PSG6: variants seen among roughly 807,000 people sequenced by gnomAD.
PSG6 encodes pregnancy specific beta-1-glycoprotein 6.
A neutral mutation model predicts 43.3 loss-of-function variants in PSG6; 51 were observed. That is an observed-to-expected ratio of 1.18 (90% CI 0.94 to 1.49). PSG6 has a LOEUF of 1.49. PSG6 is among the 40% of genes most tolerant of loss of function. PSG6 has a pLI of 0.00. For missense variants in PSG6, 770 were observed against 522.2 expected, an observed-to-expected ratio of 1.47 and a Z score of -4.62; for synonymous variants, 292 against 197.6, an observed-to-expected ratio of 1.48 and a Z score of -4.01.
chr19:42,903,993 C>T (rs1385022767), intron 5 of PSG6, among the ~76,000 whole-genome samples: 1 of 151,422 alleles, frequency 6.6e-6, no homozygotes, highest in African/African-American at 2.4e-5. Flanking sequence ...AATTGTATGC[C>T]AATAAATTGG....
At position 42,907,847 on chromosome 19, in the gene PSG6, C is replaced by A. The variant is rs774296600; in HGVS notation, c.714G>T (p.Leu238=). 1.9e-6 allele frequency: 3 copies of A among 1,611,124 alleles called. No individual in the cohort carries two copies. Among genetic ancestry groups the A allele is most frequent in the Non-Finnish European group, 2.5e-6 (3 of 1,178,962 alleles). ...TGTTGATGGTGATGTAAGGCATGGG[C>A]AGCTTCGCTGTGTGGATAACAGAAG... ...DPVTLNLLPK[L]PMPYITINNL... The change falls in exon 4 of 6, where the codon CTG becomes CTT. Residue 238 remains leucine, a synonymous_variant. Coordinates refer to ENST00000187910, the MANE Select transcript of PSG6 (RefSeq NM_001031850.4).
chr19:42,912,812 C>G (rs926030753), intron 2 of PSG6, among the ~76,000 whole-genome samples: 1 of 151,620 alleles, frequency 6.6e-6, no homozygotes, highest in African/African-American at 2.4e-5. Flanking sequence ...CTTATGAAAA[C>G]GGCATCATCA....
chr19:42,907,151 G>A lies in PSG6; in HGVS notation c.1011C>T (p.Tyr337=), dbSNP rs1259923612. 6.2e-7 allele frequency: 1 copy of A among 1,612,484 alleles called. No individual in the cohort carries two copies. The highest frequency in any genetic ancestry group is 8.5e-7 in the Non-Finnish European group (1 of 1,179,188). ...VLYGPDLPRI[Y]PSFTYYRSGE... is the part of the protein sequence containing the mutation. ...CTGAACGGTAATAGGTGAATGAAGG[G>A]TAAATTCTGGGGAGGTCTGGACCAT... Residue 337 remains tyrosine, a synonymous_variant, in exon 5 of 6, where the codon TAC becomes TAT. Coordinates refer to ENST00000187910, the MANE Select transcript of PSG6 (RefSeq NM_001031850.4).
intron 5 of PSG6, among the ~76,000 whole-genome samples, chr19:42,904,324 A>C (rs1362149201): frequency 1.3e-5 from 2 of 151,650 alleles, no homozygotes; most frequent in Non-Finnish European, 2.9e-5. Context: ...AATTTTTAAA[A>C]AGACATTCAA....
In PSG6 at chr19:42,916,417, A is replaced by C. The variant is rs750338718; in HGVS notation, c.135T>G (p.Val45=). 36 of 1,611,724 alleles carry C rather than the reference A, an allele frequency of 2.2e-5. 2 individuals are homozygous for C. The highest frequency in any genetic ancestry group is 9.4e-5 in the African/African-American group (7 of 74,782). ...QVIIEAKPPK[V]SEGKDVLLLV... is the part of the protein sequence containing the mutation. Reference sequence around the variant, plus strand: ...GTAGAAGAACATCCTTCCCCTCGGAAACTTTGGGTGGCTTGGCTTCAATTA... The same window carrying C: ...GTAGAAGAACATCCTTCCCCTCGGACACTTTGGGTGGCTTGGCTTCAATTA... The change falls in exon 2 of 6, where the codon GTT becomes GTG. Residue 45 remains valine, a synonymous_variant. Transcript: ENST00000187910.
rs759814708 is a variant in PSG6, at chr19:42,906,924, G to C, written c.1238C>G (p.Ser413Cys). 15 of 1,612,210 alleles carry C rather than the reference G, an allele frequency of 9.3e-6. No individual in the cohort carries two copies. Among genetic ancestry groups the C allele is most frequent in the Non-Finnish European group, 9.3e-6 (11 of 1,179,078 alleles). Residue 413 changes from serine to cysteine, a missense_variant and splice_region_variant, in exon 5 of 6, where the codon TCT becomes TGT. Ser to Cys is a moderately radical substitution (Grantham distance 112, BLOSUM62 -1). Transcript: ENST00000187910. Reference sequence around the variant, plus strand: ...CAAGGATGCTGGGATCCACTTACCAGAGACTTTGACTATCATGGATTTGGA... The same window carrying C: ...CAAGGATGCTGGGATCCACTTACCACAGACTTTGACTATCATGGATTTGGA... ...EISKSMIVKV[S>C]GPCHGNQTES...
chr19:42,910,906 C>G, intron 2 of PSG6, 48 bp from the exon 3 acceptor site: 1 of 1,549,938 alleles, frequency 6.5e-7, no homozygotes, highest in Non-Finnish European at 8.7e-7. Context: ...ACCTTTGATT[C>G]CTCCAAAGGC....
At chr19:42,916,632 G>T (rs1972341195) in intron 1 of PSG6, 145 bp from the exon 2 acceptor site, 6 of 1,291,704 alleles carry the variant, frequency 4.6e-6, no homozygotes, top group Middle Eastern at 2.3e-4. Flanking sequence ...ACACAAAAGG[G>T]CATGTGTGTT....
Position 42,907,014 on chromosome 19 carries a change from A to G in PSG6, c.1148T>C (p.Ile383Thr). The change falls in exon 5 of 6, where the codon ATT becomes ACT. Residue 383 changes from isoleucine (I) to threonine (T), a missense_variant. By Grantham distance (89) the Ile-to-Thr change is moderately conservative. Coordinates refer to ENST00000187910, the MANE Select transcript of PSG6 (RefSeq NM_001031850.4). ...ATAGAGCCCGCTATGATTTGTAGTAATTTGGGGGATAAAGAGCTTTTGTCC... is the reference window on the plus strand; with the variant it reads ...ATAGAGCCCGCTATGATTTGTAGTAGTTTGGGGGATAAAGAGCTTTTGTCC... The part of the protein sequence containing the change: ...LSGQKLFIPQ[I>T]TTNHSGLYAC... The G allele has an allele frequency of 6.2e-7, 1 of 1,612,500 alleles. No individual in the cohort carries two copies. The highest frequency in any genetic ancestry group is 8.5e-7 in the Non-Finnish European group (1 of 1,179,132).
chr19:42,914,534 C>T (rs947217371), intron 2 of PSG6, among the ~76,000 whole-genome samples: 1 of 147,424 alleles, frequency 6.8e-6, no homozygotes, highest in African/African-American at 2.5e-5. Flanking sequence ...CAGTCCAGGA[C>T]CAAAGAGCCC....
intron 5 of PSG6, among the ~76,000 whole-genome samples, chr19:42,904,630 G>A (rs1314512952): frequency 6.6e-6 from 1 of 151,692 alleles, no homozygotes; most frequent in Non-Finnish European, 1.5e-5. Flanking sequence ...ATTGCTGAAA[G>A]AAATGAAAGA....
chr19:42,914,992 T>TG (rs1270474104), intron 2 of PSG6, among the ~76,000 whole-genome samples: 4 of 151,620 alleles, frequency 2.6e-5, no homozygotes, highest in Non-Finnish European at 4.4e-5. Flanking sequence ...TACAGACTAA[T>TG]CAGCTGACCA....
chr19:42,910,227 C>G, intron 3 of PSG6: 1 of 451,742 alleles, frequency 2.2e-6, no homozygotes, highest in Non-Finnish European at 4.0e-6. Flanking sequence ...AAGGGAAAAT[C>G]CTGGTCTGTG....
At chr19:42,903,803 G>T in intron 5 of PSG6, 1 of 1,437,592 alleles carries the variant, frequency 7.0e-7, no homozygotes, top group Non-Finnish European at 9.2e-7. Context: ...TGAAGAAGGA[G>T]AATTGCTTGA....
chr19:42,910,937 A>T (rs1203475477), intron 2 of PSG6, 79 bp from the exon 3 acceptor site: 1 of 1,531,980 alleles, frequency 6.5e-7, no homozygotes, highest in Non-Finnish European at 8.8e-7. Flanking sequence ...CAGAGTTGGC[A>T]TTTCCAACCT....
At position 42,907,663 on chromosome 19, in the gene PSG6, T is replaced by A. The variant is rs142100740; in HGVS notation, c.898A>T (p.Thr300Ser). Residue 300 changes from threonine (T) to serine (S), a missense_variant, in exon 4 of 6, where the codon ACG becomes TCG. Physicochemically the swap from Thr to Ser is moderately conservative, Grantham distance 58. Transcript: ENST00000187910. ...TGATAGGGTCCTGTTTCATTTCTCG[T>A]GACACTGGGTAGAATGAGTATCCTG... Reference protein sequence around the residue: ...ENRILILPSVTRNETGPYQCE... With the variant: ...ENRILILPSVSRNETGPYQCE... The A allele has an allele frequency of 1.3e-4, 208 of 1,611,266 alleles. 5 individuals carry two copies. In the African/African-American group the frequency reaches 2.6e-3, roughly 20 times the overall value.
At chr19:42,903,940 C>T (rs1972074150) in intron 5 of PSG6, among the ~76,000 whole-genome samples, 2 of 151,422 alleles carry the variant, frequency 1.3e-5, no homozygotes, top group Admixed American at 1.3e-4. Context: ...GAAGCGATTA[C>T]TACCAATTCT....
intron 5 of PSG6, among the ~76,000 whole-genome samples, chr19:42,904,812 A>G (rs982172058): frequency 6.6e-6 from 1 of 151,676 alleles, no homozygotes; most frequent in African/African-American, 2.4e-5. Flanking sequence ...ATTGCATCTC[A>G]TGACTCTAAA....
chr19:42,913,629 G>C lies in PSG6; in HGVS notation c.427+2496C>G, dbSNP rs374661117. On this transcript the variant is annotated intron_variant, in intron 2 of 5. Transcript: ENST00000187910. ...GGATGGAGTCACTAGTGAAATGGGT[G>C]AAATGAGCCTATGGGCTTAATTGCT... Among the ~76,000 whole-genome samples, 11 of 151,872 alleles carry C rather than the reference G, an allele frequency of 7.2e-5. No homozygotes were observed. The East Asian group carries it at 1.9e-3, about 27-fold the overall frequency.
Sources: gnomAD v4.1 joint callset for allele counts (sites outside exome capture counted in the v4.1 genomes callset) on GRCh38, gnomAD v4.1.1 for gene constraint, MANE v1.5 for transcripts, NCBI Gene and HGNC (gene_info 2026-07-23, HGNC 2026-07-21) for gene names.